LRRFIP1: variants seen among roughly 807,000 people sequenced by gnomAD.
LRRFIP1 encodes the protein LRR binding FLII interacting protein 1, also known as leucine-rich repeat flightless-interacting protein 1.
In LRRFIP1, 62 loss-of-function variants were observed where a neutral mutation model predicts 104.4. The ratio of observed to expected loss-of-function variants is 0.59; its 90% CI spans 0.48 to 0.73. The LOEUF is 0.73. Among genes scored for constraint, LRRFIP1 ranks in the 30% least tolerant of loss-of-function variants. LRRFIP1 has a pLI of 0.00. For missense variants in LRRFIP1, 796 were observed against 824.5 expected (o/e 0.97, Z 0.42); for synonymous variants, 300 against 299.0 (o/e 1.00, Z -0.03).
chr2:237,693,036 C>T (rs971535143), intron 1 of LRRFIP1, among the ~76,000 whole-genome samples: 7 of 152,038 alleles, frequency 4.6e-5, no homozygotes, highest in African/African-American at 1.7e-4. Flanking sequence ...CTCCCGGGTC[C>T]GCCCAGCGCG....
chr2:237,683,008 G>A (rs1189264647), intron 1 of LRRFIP1, among the ~76,000 whole-genome samples: 2 of 152,234 alleles, frequency 1.3e-5, no homozygotes, highest in African/African-American at 2.4e-5. Context: ...TGTAACAGCT[G>A]GGGTGGAGAG....
At chr2:237,704,036 G>A (rs569789194) in intron 1 of LRRFIP1, among the ~76,000 whole-genome samples, 3 of 152,120 alleles carry the variant, frequency 2.0e-5, no homozygotes, top group African/African-American at 7.2e-5. Flanking sequence ...GAGAACCCCT[G>A]CCTGCACAGT....
intron 1 of LRRFIP1, among the ~76,000 whole-genome samples, chr2:237,631,281 G>A (rs1389626454): frequency 6.6e-6 from 1 of 152,208 alleles, no homozygotes; most frequent in African/African-American, 2.4e-5. Context: ...CAGTTCGCTG[G>A]AGCGAGGGGA....
intron 1 of LRRFIP1, among the ~76,000 whole-genome samples, chr2:237,671,571 G>A (rs2090341589): frequency 6.6e-6 from 1 of 152,164 alleles, no homozygotes; most frequent in Non-Finnish European, 1.5e-5. Flanking sequence ...TGGGGTCACA[G>A]GGACAAGGAA....
At chr2:237,748,245 C>T in intron 11 of LRRFIP1, 119 bp from the exon 12 acceptor site, 1 of 833,770 alleles carries the variant, frequency 1.2e-6, no homozygotes, top group Non-Finnish European at 2.0e-6. Flanking sequence ...TTTTCTGCTT[C>T]TAAATTACAA....
chr2:237,753,588 G>A, intron 15 of LRRFIP1, 109 bp downstream of exon 15: 1 of 883,128 alleles, frequency 1.1e-6, no homozygotes, highest in Non-Finnish European at 1.7e-6. Context: ...TTGAGCCCAA[G>A]AGTTCGAGAC....
chr2:237,644,600 G>T (rs890083765), intron 1 of LRRFIP1, among the ~76,000 whole-genome samples: 2 of 152,206 alleles, frequency 1.3e-5, no homozygotes, highest in East Asian at 3.8e-4. Context: ...TTGTGAAACC[G>T]GAAAGCTTAG....
intron 8 of LRRFIP1, among the ~76,000 whole-genome samples, chr2:237,728,915 G>A (rs537701360): frequency 1.3e-5 from 2 of 151,958 alleles, no homozygotes; most frequent in Non-Finnish European, 2.9e-5. Context: ...ATTTAGCATT[G>A]CATGCACTTT....
At chr2:237,708,295 A>G (rs2093912203) in intron 1 of LRRFIP1, among the ~76,000 whole-genome samples, 1 of 152,234 alleles carries the variant, frequency 6.6e-6, no homozygotes, top group African/African-American at 2.4e-5. Flanking sequence ...CAAGGAATAC[A>G]TGGCATCATA....
intron 1 of LRRFIP1, among the ~76,000 whole-genome samples, chr2:237,640,149 C>T (rs932126954): frequency 2.6e-5 from 4 of 152,154 alleles, no homozygotes; most frequent in Admixed American, 6.5e-5. Context: ...GCATTTAAAC[C>T]TCCTGGAAAT....
At chr2:237,676,766 G>A (rs1379056619) in intron 1 of LRRFIP1, among the ~76,000 whole-genome samples, 2 of 152,206 alleles carry the variant, frequency 1.3e-5, no homozygotes, top group African/African-American at 4.8e-5. Context: ...GCCTCCCAAA[G>A]TGCTGGGATT....
Position 237,735,407 on chromosome 2 carries a change from C to T in LRRFIP1, c.555+74C>T. 7.0e-7 allele frequency: 1 copy of T among 1,438,734 alleles called. No homozygotes were observed. The allele number at this position is 1,438,734 out of a possible 1,614,324, so 89.1% of individuals were successfully genotyped here. A position where few individuals can be genotyped will look rare whatever the true frequency, so the allele number is the denominator to read the frequency against. The stretch of plus-strand genomic sequence containing the variant: ...CCTGGGGATGCTCGCTGGGCAGGGT[C>T]CAGCCGTGGGGGGTGACTGGCCATT... On this transcript the variant is annotated intron_variant, in intron 10 of 23. Coordinates refer to ENST00000308482, the MANE Select transcript of LRRFIP1 (RefSeq NM_001137550.2). The surrounding 1 kb of genome is among the most constrained non-coding windows in gnomAD (Gnocchi z 4.6).
At chr2:237,709,197 A>G (rs2093959197) in intron 2 of LRRFIP1, among the ~76,000 whole-genome samples, 1 of 152,138 alleles carries the variant, frequency 6.6e-6, no homozygotes, top group Admixed American at 6.5e-5. Context: ...TGCTCAAGCC[A>G]TTTGCAAGTT....
intron 1 of LRRFIP1, among the ~76,000 whole-genome samples, chr2:237,673,621 G>A (rs1027244165): frequency 6.6e-6 from 1 of 152,234 alleles, no homozygotes; most frequent in African/African-American, 2.4e-5. Flanking sequence ...AGCTGGCGTG[G>A]TATCTGGCAC....
In LRRFIP1 at chr2:237,691,638, T is replaced by C. The variant is rs1244906096; in HGVS notation, c.97-16906T>C. Among the ~76,000 whole-genome samples, 1 of 151,338 alleles carries C rather than the reference T, an allele frequency of 6.6e-6. No individual in the cohort carries two copies. Among genetic ancestry groups the C allele is most frequent in the African/African-American group, 2.5e-5 (1 of 40,794 alleles). On this transcript the variant is annotated intron_variant, in intron 1 of 23. Transcript: ENST00000308482. The surrounding 1 kb of genome is among the most constrained non-coding windows in gnomAD (Gnocchi z 5.4). ...GAAGCTCAGCGTGGCCTGAGGGTGA[T>C]GGATGTGGGGGAGCCGGGAACTCAT...
At position 237,692,600 on chromosome 2, in the gene LRRFIP1, A is replaced by G. The variant is rs928177001; in HGVS notation, c.97-15944A>G. 122 of 1,391,394 alleles carry G rather than the reference A, an allele frequency of 8.8e-5. No homozygotes were observed. In the Middle Eastern group the frequency reaches 8.8e-4, roughly 10 times the overall value. The allele number at this position is 1,391,394 out of a possible 1,614,324, so 86.2% of individuals were successfully genotyped here. A position where few individuals can be genotyped will look rare whatever the true frequency, so the allele number is the denominator to read the frequency against. On this transcript the variant is annotated intron_variant, in intron 1 of 23. Transcript: ENST00000308482. ...GGGCTTCCAGCTCGTTCCGAGGTCA[A>G]TGGCAGGCGCAGGTGCCCGGGAGGC... is the stretch of plus-strand genomic sequence containing the variant.
chr2:237,715,427 G>A (rs2094291097), intron 3 of LRRFIP1, among the ~76,000 whole-genome samples: 1 of 152,210 alleles, frequency 6.6e-6, no homozygotes, highest in Admixed American at 6.5e-5. Context: ...TGGAAGAGGG[G>A]CTCTATCTGG....
chr2:237,693,989 G>T (rs1575542252), intron 1 of LRRFIP1, among the ~76,000 whole-genome samples: 1 of 152,194 alleles, frequency 6.6e-6, no homozygotes. Flanking sequence ...TATGTGATCA[G>T]CCCAGGCCCA....
At chr2:237,748,578 T>C (rs115941688) in intron 12 of LRRFIP1, among the ~76,000 whole-genome samples, 179 bp downstream of exon 12, 44 of 152,114 alleles carry the variant, frequency 2.9e-4, no homozygotes, top group African/African-American at 1.0e-3. Flanking sequence ...TCCTGTCCGG[T>C]GTGCGTTAGA....
Sources: gnomAD v4.1 joint callset for allele counts (sites outside exome capture counted in the v4.1 genomes callset) on GRCh38, gnomAD v4.1.1 for gene constraint, Gnocchi (gnomAD v3.1) non-coding constraint, MANE v1.5 for transcripts, NCBI Gene and HGNC (gene_info 2026-07-23, HGNC 2026-07-21) for gene names.